RAB22A: variants seen among roughly 807,000 people sequenced by gnomAD.
The protein encoded by RAB22A is ras-related protein Rab-22A.
Under a neutral mutation model 30.2 loss-of-function variants are expected in RAB22A, and 13 were observed. The ratio of observed to expected loss-of-function variants is 0.43; its 90% CI spans 0.28 to 0.68. The LOEUF is 0.68. Among genes scored for constraint, RAB22A ranks in the 30% least tolerant of loss-of-function variants. The pLI, the probability that RAB22A is intolerant of heterozygous loss-of-function variation, is 0.18. For missense variants in RAB22A, 177 were observed against 246.8 expected, an observed-to-expected ratio of 0.72 and a Z score of 1.89; for synonymous variants, 89 against 87.2, an observed-to-expected ratio of 1.02 and a Z score of -0.11.
chr20:58,342,648 C>CAAAAAAAA, intron 2 of RAB22A, among the ~76,000 whole-genome samples: 1 of 124,036 alleles, frequency 8.1e-6, no homozygotes, highest in Non-Finnish European at 1.8e-5. Flanking sequence ...TACAATTTGG[C>CAAAAAAAA]AAAAAAAAAA....
chr20:58,331,882 A>T (rs143500643), intron 2 of RAB22A, among the ~76,000 whole-genome samples: 74 of 152,276 alleles, frequency 4.9e-4, no homozygotes, highest in African/African-American at 1.7e-3. Flanking sequence ...ATTTAAACAG[A>T]GACACCTGGG....
At chr20:58,312,319 C>T (rs1454957320) in intron 2 of RAB22A, among the ~76,000 whole-genome samples, 1 of 148,446 alleles carries the variant, frequency 6.7e-6, no homozygotes, top group Admixed American at 6.7e-5. Context: ...AGTGCAGTGG[C>T]ACAATCATGG....
chr20:58,353,464 A>G lies in RAB22A; in HGVS notation c.303A>G (p.Lys101=), dbSNP rs188524646. ...TTTCAACATTAAAGAATTGGGTGAA[A>G]GAGCTTCGACAGCATGGCCCACCTA... is the stretch of plus-strand genomic sequence containing the variant. ...ETFSTLKNWV[K]ELRQHGPPNI... Residue 101 remains lysine, a synonymous_variant, in exon 5 of 7, where the codon AAA becomes AAG. Transcript: ENST00000244040. The G allele has an allele frequency of 6.2e-7, 1 of 1,613,700 alleles. No individual in the cohort carries two copies. Among genetic ancestry groups the G allele is most frequent in the East Asian group, 2.2e-5 (1 of 44,872 alleles).
chr20:58,340,761 A>C (rs1246269166), intron 2 of RAB22A, among the ~76,000 whole-genome samples: 1 of 152,184 alleles, frequency 6.6e-6, no homozygotes, highest in Non-Finnish European at 1.5e-5. Context: ...CTCTAAAGAC[A>C]AAGTGCAGTG....
At chr20:58,342,365 G>C (rs1183272594) in intron 2 of RAB22A, among the ~76,000 whole-genome samples, 1 of 152,152 alleles carries the variant, frequency 6.6e-6, no homozygotes, top group Admixed American at 6.5e-5. Flanking sequence ...TCACTGTTTT[G>C]GAGGCTACTT....
At chr20:58,341,622 C>G (rs1167704519) in intron 2 of RAB22A, among the ~76,000 whole-genome samples, 1 of 152,050 alleles carries the variant, frequency 6.6e-6, no homozygotes, top group Non-Finnish European at 1.5e-5. Flanking sequence ...AAGGGTGGTC[C>G]AGGGTCAGAC....
chr20:58,349,782 A>G (rs1987014281), intron 3 of RAB22A, among the ~76,000 whole-genome samples: 2 of 152,208 alleles, frequency 1.3e-5, no homozygotes, highest in Non-Finnish European at 2.9e-5. Flanking sequence ...TACTCTTCAG[A>G]GAAGAAAAAA....
intron 2 of RAB22A, among the ~76,000 whole-genome samples, chr20:58,318,387 G>C (rs1986385527): frequency 6.6e-6 from 1 of 152,124 alleles, no homozygotes; most frequent in African/African-American, 2.4e-5. Flanking sequence ...TGCACAGGTT[G>C]AGTATCCCAA....
At chr20:58,351,166 A>G (rs150599234) in intron 3 of RAB22A, among the ~76,000 whole-genome samples, 55 of 152,034 alleles carry the variant, frequency 3.6e-4, no homozygotes, top group Non-Finnish European at 8.8e-5. Flanking sequence ...GCAAAACCCC[A>G]TATCTACTAA....
At chr20:58,343,486 G>A (rs1295531875) in intron 2 of RAB22A, among the ~76,000 whole-genome samples, 1 of 152,078 alleles carries the variant, frequency 6.6e-6, no homozygotes, top group Non-Finnish European at 1.5e-5. Flanking sequence ...TTGATAAGGA[G>A]CTTAGAACCC....
chr20:58,317,466 A>G (rs1348603652), intron 2 of RAB22A, among the ~76,000 whole-genome samples: 1 of 152,092 alleles, frequency 6.6e-6, no homozygotes, highest in African/African-American at 2.4e-5. Flanking sequence ...GACCAGCTCC[A>G]TATTGTTAGG....
chr20:58,315,013 GA>G (rs1986307576), intron 2 of RAB22A, among the ~76,000 whole-genome samples: 1 of 152,062 alleles, frequency 6.6e-6, no homozygotes. Context: ...GTGGCTGGAG[GA>G]CCCACAGCAA....
At chr20:58,347,885 G>A (rs571918049) in intron 3 of RAB22A, among the ~76,000 whole-genome samples, 1 of 152,170 alleles carries the variant, frequency 6.6e-6, no homozygotes, top group Non-Finnish European at 1.5e-5. Flanking sequence ...CACCATACCT[G>A]TAGTAAGAGC....
intron 6 of RAB22A, among the ~76,000 whole-genome samples, chr20:58,355,486 A>C (rs1195570323): frequency 6.6e-6 from 1 of 152,034 alleles, no homozygotes; most frequent in East Asian, 1.9e-4. Context: ...TGAACTACTG[A>C]TTGCACCCTC....
At chr20:58,340,403 C>G (rs551162837) in intron 2 of RAB22A, among the ~76,000 whole-genome samples, 1 of 152,288 alleles carries the variant, frequency 6.6e-6, no homozygotes, top group East Asian at 1.9e-4. Flanking sequence ...GGCCACACAC[C>G]TTGCTAAGGT....
Position 58,343,714 on chromosome 20 carries a change from A to T in RAB22A, c.117-4A>T. On this transcript the variant is annotated splice_region_variant and splice_polypyrimidine_tract_variant and intron_variant, in intron 2 of 6. Transcript: ENST00000244040. ...ATTCTGATCATTTAGGTCTCTCTTT[A>T]TAGGGCATCTTTTATGACCAAGACT... 1 of 1,601,484 alleles carries T rather than the reference A, an allele frequency of 6.2e-7. No individual in the cohort carries two copies. The highest frequency in any genetic ancestry group is 8.6e-7 in the Non-Finnish European group (1 of 1,168,570).
Position 58,367,411 on chromosome 20 carries a change from A to G in RAB22A, c.*7708A>G, listed in dbSNP as rs1234722021. 6.6e-6 allele frequency: 1 copy of G among 152,658 alleles called. No individual in the cohort carries two copies. The highest frequency in any genetic ancestry group is 1.5e-5 in the Non-Finnish European group (1 of 68,038). 9.5% of individuals were successfully genotyped at this position (152,658 alleles called of 1,614,324 possible). A position where few individuals can be genotyped will look rare whatever the true frequency, so the allele number is the denominator to read the frequency against. The stretch of plus-strand genomic sequence containing the variant: ...AATATTGTTTTAGCTTGAATATTCT[A>G]TAATACACTTTTATAGAGTATAACA... On this transcript the variant is annotated 3_prime_UTR_variant, in exon 7 of 7. Coordinates refer to ENST00000244040, the MANE Select transcript of RAB22A (RefSeq NM_020673.3).
intron 2 of RAB22A, among the ~76,000 whole-genome samples, chr20:58,312,328 G>A (rs1986243739): frequency 6.8e-6 from 1 of 147,200 alleles, no homozygotes; most frequent in African/African-American, 2.5e-5. Flanking sequence ...GCACAATCAT[G>A]GCTCACTGCA....
At chr20:58,359,564 A>G (rs745791814) in intron 6 of RAB22A, 42 bp from the exon 7 acceptor site, 2 of 1,437,468 alleles carry the variant, frequency 1.4e-6, no homozygotes, top group Non-Finnish European at 1.9e-6. Context: ...GTGTCTGAGA[A>G]AGTTAAAGCT....
Sources: allele counts gnomAD v4.1 joint callset (sites outside exome capture counted in the v4.1 genomes callset), GRCh38; gene constraint gnomAD v4.1.1; transcripts MANE v1.5; gene names NCBI Gene and HGNC (gene_info 2026-07-23, HGNC 2026-07-21).